RABGAP1: variants seen among roughly 807,000 people sequenced by gnomAD.
RABGAP1 encodes RAB GTPase activating protein 1, also known as rab GTPase-activating protein 1.
Under a neutral mutation model 137.6 loss-of-function variants are expected in RABGAP1, and 23 were observed. The ratio of observed to expected loss-of-function variants is 0.17; its 90% CI spans 0.12 to 0.24. The LOEUF is 0.24. Ranked by LOEUF, RABGAP1 falls within the 10% of genes least tolerant of loss-of-function variation. The pLI is 1.00. For missense variants in RABGAP1, 906 were observed against 1,275.8 expected (o/e 0.71, Z 4.42); for synonymous variants, 451 against 450.7 (o/e 1.00, Z -0.01).
At chr9:123,065,680 A>C in intron 14 of RABGAP1, 2 of 469,632 alleles carry the variant, frequency 4.3e-6, no homozygotes, top group Non-Finnish European at 7.8e-6. Context: ...TCCCCTTCTA[A>C]TCAGGATTTT....
chr9:122,998,016 G>T (rs2131821638), intron 9 of RABGAP1, among the ~76,000 whole-genome samples: 1 of 152,254 alleles, frequency 6.6e-6, no homozygotes, highest in East Asian at 1.9e-4. Context: ...GTTGATGAGG[G>T]TGACATAAAG....
upstream of RABGAP1, among the ~76,000 whole-genome samples, chr9:122,935,876 T>G (rs559134201): frequency 3.9e-5 from 6 of 152,312 alleles, no homozygotes; most frequent in Admixed American, 2.0e-4. Flanking sequence ...CTCCCTTGGC[T>G]TGTCTTTATC....
chr9:122,973,938 AG>A (rs1416157676), intron 2 of RABGAP1, among the ~76,000 whole-genome samples: 1 of 151,270 alleles, frequency 6.6e-6, no homozygotes, highest in Non-Finnish European at 1.5e-5. Flanking sequence ...TGAACCCGGG[AG>A]GCGGAGGTTG....
rs1450910733 is a variant in RABGAP1, at chr9:122,984,487, T to A, written c.153T>A (p.Ile51=). Residue 51 remains isoleucine, a splice_region_variant and synonymous_variant, in exon 3 of 26, where the codon ATT becomes ATA. Coordinates refer to ENST00000373647, the MANE Select transcript of RABGAP1 (RefSeq NM_012197.4). The part of the protein sequence containing the change: ...GSDDEKTGLK[I]VGNGSEQQLQ... ...TTGCATGTATTTGTGACCCTTAGAT[T>A]GTAGGGAATGGAAGTGAACAGCAGC... is the stretch of plus-strand genomic sequence containing the variant. 1 of 1,613,080 alleles carries A rather than the reference T, an allele frequency of 6.2e-7. No individual in the cohort carries two copies. The highest frequency in any genetic ancestry group is 1.7e-5 in the Admixed American group (1 of 59,874).
Position 123,097,838 on chromosome 9 carries a change from C to A in RABGAP1, c.2726C>A (p.Ser909Tyr). The stretch of plus-strand genomic sequence containing the variant: ...GAGAAAAGACGGCTGGAAGAAGAGT[C>A]TGCTCAGGTAAGGGAACTCTCCCAC... Reference protein sequence around the residue: ...EEEKRRLEEESAQLKEMCRRE... With the variant: ...EEEKRRLEEEYAQLKEMCRRE... Residue 909 changes from serine (S) to tyrosine (Y), a missense_variant, in exon 22 of 26, where the codon TCT becomes TAT. By Grantham distance (144) the Ser-to-Tyr change is moderately radical (BLOSUM62 -2). Around this residue, in one of 9 missense-constraint regions of RABGAP1, gnomAD observed 193 missense variants for 248.1 expected, o/e 0.78. Coordinates refer to ENST00000373647, the MANE Select transcript of RABGAP1 (RefSeq NM_012197.4). 6.2e-7 allele frequency: 1 copy of A among 1,613,008 alleles called. No homozygotes were observed. The highest frequency in any genetic ancestry group is 1.1e-5 in the South Asian group (1 of 90,848).
At chr9:123,034,754 C>T (rs1224237718) in intron 13 of RABGAP1, 2 of 1,613,834 alleles carry the variant, frequency 1.2e-6, no homozygotes, top group African/African-American at 2.7e-5. Flanking sequence ...AACCATCACA[C>T]TACAAGTTAT....
At chr9:122,987,434 G>C (rs570292122) in intron 4 of RABGAP1, among the ~76,000 whole-genome samples, 2 of 151,890 alleles carry the variant, frequency 1.3e-5, no homozygotes, top group South Asian at 4.2e-4. Context: ...TTGCATATTG[G>C]TATATGTATA....
intron 9 of RABGAP1, among the ~76,000 whole-genome samples, chr9:122,998,059 C>G (rs1476648246): frequency 6.6e-6 from 1 of 152,010 alleles, no homozygotes; most frequent in Non-Finnish European, 1.5e-5. Context: ...AACAATCTGA[C>G]AGTACAGTGG....
intron 2 of RABGAP1, among the ~76,000 whole-genome samples, chr9:122,967,806 G>C (rs1835249491): frequency 6.6e-6 from 1 of 150,582 alleles, no homozygotes; most frequent in Non-Finnish European, 1.5e-5. Flanking sequence ...GCAGTGGCAT[G>C]ATCTCCATCT....
At chr9:123,101,484 T>C (rs2035343034) in intron 24 of RABGAP1, 82 bp from the exon 25 acceptor site, 2 of 1,301,500 alleles carry the variant, frequency 1.5e-6, no homozygotes, top group East Asian at 2.6e-5. Flanking sequence ...CGTCTCTTGG[T>C]GTCCCCCAAA....
chr9:123,023,683 A>C (rs895303127), intron 13 of RABGAP1, among the ~76,000 whole-genome samples: 1 of 152,138 alleles, frequency 6.6e-6, no homozygotes, highest in Non-Finnish European at 1.5e-5. Flanking sequence ...GTTTTTTTCC[A>C]GTTTTAGCTA....
At chr9:123,006,581 G>A (rs1356896581) in intron 10 of RABGAP1, among the ~76,000 whole-genome samples, 2 of 151,986 alleles carry the variant, frequency 1.3e-5, no homozygotes, top group Admixed American at 6.6e-5. Flanking sequence ...AGAATCACAC[G>A]GTTGTAATTA....
At chr9:123,039,402 G>A (rs954165229) in intron 13 of RABGAP1, among the ~76,000 whole-genome samples, 6 of 152,112 alleles carry the variant, frequency 3.9e-5, no homozygotes, top group Admixed American at 3.9e-4. Context: ...GCTCAGAGCA[G>A]AAGTTTTAGT....
intron 10 of RABGAP1, among the ~76,000 whole-genome samples, chr9:123,006,604 TTTTA>T (rs1397283869): frequency 1.3e-5 from 2 of 152,042 alleles, no homozygotes; most frequent in Non-Finnish European, 2.9e-5. Flanking sequence ...TAGACTTTAT[TTTTA>T]TTTATTTATT....
At chr9:123,074,629 CG>C (rs2034457814) in intron 17 of RABGAP1, among the ~76,000 whole-genome samples, 1 of 152,174 alleles carries the variant, frequency 6.6e-6, no homozygotes. Context: ...TCTGAAAAGA[CG>C]TACTGAATTA....
At chr9:123,034,686 A>G (rs760241938) in intron 13 of RABGAP1, 1 of 1,613,074 alleles carries the variant, frequency 6.2e-7, no homozygotes, top group South Asian at 1.1e-5. Flanking sequence ...TTCTAACTGT[A>G]TTGATTATTT....
At chr9:123,027,245 A>G (rs947133268) in intron 13 of RABGAP1, among the ~76,000 whole-genome samples, 1 of 151,736 alleles carries the variant, frequency 6.6e-6, no homozygotes, top group Non-Finnish European at 1.5e-5. Context: ...CCTCCCGAGT[A>G]GCTGGGACTA....
At chr9:122,944,672 G>A (rs1384834530) in intron 1 of RABGAP1, among the ~76,000 whole-genome samples, 1 of 151,926 alleles carries the variant, frequency 6.6e-6, no homozygotes, top group Non-Finnish European at 1.5e-5. Context: ...CCGGGTTTAA[G>A]AGGTTCTCCT....
At chr9:123,000,096 C>T (rs1442859287) in intron 10 of RABGAP1, among the ~76,000 whole-genome samples, 1 of 152,036 alleles carries the variant, frequency 6.6e-6, no homozygotes, top group South Asian at 2.1e-4. Context: ...AGCATAATTA[C>T]AGTACAGCCA....
Sources: allele counts gnomAD v4.1 joint callset (sites outside exome capture counted in the v4.1 genomes callset), GRCh38; gene constraint gnomAD v4.1.1; regional missense constraint gnomAD v4.1.1; transcripts MANE v1.5; gene names NCBI Gene and HGNC (gene_info 2026-07-23, HGNC 2026-07-21).